ABCC12: variants seen among roughly 807,000 people sequenced by gnomAD.
ABCC12 encodes the protein ATP-binding cassette sub-family C member 12.
A neutral mutation model predicts 151.1 loss-of-function variants in ABCC12; 142 were observed. The ratio of observed to expected loss-of-function variants is 0.94; its 90% confidence interval spans 0.82 to 1.08. The LOEUF is 1.08. Among genes scored for constraint, ABCC12 ranks in the 50% least tolerant of loss-of-function variants. ABCC12 has a pLI of 0.00. For synonymous variants in ABCC12, 645 were observed against 646.4 expected (o/e 1.00, Z 0.03); for missense variants, 1,638 against 1,691.1 (o/e 0.97, Z 0.55).
intron 27 of ABCC12, chr16:48,087,037 C>T: frequency 2.0e-6 from 1 of 490,680 alleles, no homozygotes; most frequent in East Asian, 3.3e-5. Flanking sequence ...GCAGAGACCA[C>T]TGAGGCAGGC....
chr16:48,128,012 G>A (rs990089107), intron 11 of ABCC12, among the ~76,000 whole-genome samples: 2 of 152,110 alleles, frequency 1.3e-5, no homozygotes, highest in African/African-American at 4.8e-5. Flanking sequence ...CCAGCTACTT[G>A]GGAGGCTGAG....
intron 18 of ABCC12, among the ~76,000 whole-genome samples, chr16:48,109,719 G>A (rs1481159422): frequency 6.6e-6 from 1 of 152,246 alleles, no homozygotes; most frequent in Non-Finnish European, 1.5e-5. Flanking sequence ...TGAGGGAGAC[G>A]CCTCAGCGTG....
chr16:48,120,531 G>C (rs971527884), intron 13 of ABCC12, among the ~76,000 whole-genome samples: 1 of 151,750 alleles, frequency 6.6e-6, no homozygotes, highest in African/African-American at 2.4e-5. Flanking sequence ...AAATGTCCAC[G>C]GTGATCACGG....
chr16:48,105,404 G>A (rs1963459031), intron 20 of ABCC12, 68 bp from the exon 21 acceptor site: 1 of 1,466,202 alleles, frequency 6.8e-7, no homozygotes, highest in South Asian at 1.2e-5. Context: ...GAATTTTCCG[G>A]AGAATCTTTC....
chr16:48,092,841 G>A (rs1440507994), intron 24 of ABCC12, among the ~76,000 whole-genome samples: 1 of 152,144 alleles, frequency 6.6e-6, no homozygotes, highest in African/African-American at 2.4e-5. Context: ...ATGATAAGAA[G>A]TCCACCAGTC....
rs558140089 is a variant in ABCC12, at chr16:48,112,745, C to A, written c.1990-835G>T. Among the ~76,000 whole-genome samples, 13 of 152,196 alleles carry A rather than the reference C, an allele frequency of 8.5e-5. No homozygotes were observed. The East Asian group carries it at 2.5e-3, about 29-fold the overall frequency. The stretch of plus-strand genomic sequence containing the variant: ...AAAATTACAAGCCTCCCTCATCATC[C>A]CCATTTAGCCCAGGAGAAGCAGACC... On this transcript the variant is annotated intron_variant, in intron 15 of 30. Transcript: ENST00000311303.
At position 48,117,284 on chromosome 16, in the gene ABCC12, G is replaced by T. The variant is rs1963915503; in HGVS notation, c.1762C>A (p.Leu588Ile). 6.2e-7 allele frequency: 1 copy of T among 1,613,836 alleles called. No homozygotes were observed. The highest frequency in any genetic ancestry group is 1.7e-5 in the Admixed American group (1 of 60,008). ...ACCTCAGTCAGGTCTCCATAGGGGA[G>T]GTTGCTCAGGTCCTTCTGGAGGCCA... ...VCGLQKDLSN[L>I]PYGDLTEIGE... is the part of the protein sequence containing the mutation. Residue 588 changes from leucine to isoleucine, a missense_variant, in exon 14 of 31, where the codon CTC becomes ATC. By Grantham distance (5) the Leu-to-Ile change is conservative. Transcript: ENST00000311303.
At chr16:48,085,428 A>G (rs1378362701) in intron 29 of ABCC12, among the ~76,000 whole-genome samples, 165 bp downstream of exon 29, 2 of 152,090 alleles carry the variant, frequency 1.3e-5, no homozygotes, top group African/African-American at 4.8e-5. Flanking sequence ...TTACTTTTCA[A>G]TTTTTATCCC....
At chr16:48,128,855 G>A in intron 10 of ABCC12, 118 bp from the exon 11 acceptor site, 2 of 1,135,394 alleles carry the variant, frequency 1.8e-6, no homozygotes, top group South Asian at 3.0e-5. Flanking sequence ...ACCACATCCA[G>A]GAAAGAGGTT....
intron 5 of ABCC12, 37 bp from the exon 6 acceptor site, chr16:48,140,957 T>C: frequency 6.3e-7 from 1 of 1,582,540 alleles, no homozygotes; most frequent in South Asian, 1.1e-5. Context: ...AGAGGGCCAC[T>C]GAGGGCTGAG....
At chr16:48,155,332 G>A (rs1965170142) in intron 1 of ABCC12, among the ~76,000 whole-genome samples, 1 of 148,958 alleles carries the variant, frequency 6.7e-6, no homozygotes, top group Non-Finnish European at 1.5e-5. Flanking sequence ...TGGATTCAGA[G>A]CAATTCAAAT....
rs1404075403 is a variant in ABCC12 at position 48,084,021 on chromosome 16, A to G, written c.3881T>C (p.Leu1294Pro). The change falls in exon 30 of 31, where the codon CTG (leucine) becomes CCG (proline). Residue 1294 changes from leucine (L) to proline (P), a missense_variant. Physicochemically the swap from Leu to Pro is moderately conservative, Grantham distance 98. Transcript: ENST00000311303. ...GGCATCTTTGATGGTGTTCTGAACC[A>G]GGGTGTCAGTCTTGGAGTCCATAGA... ...TASMDSKTDT[L>P]VQNTIKDAFK... 6.2e-7 allele frequency: 1 copy of G among 1,612,826 alleles called. No individual in the cohort carries two copies. Among genetic ancestry groups the G allele is most frequent in the East Asian group, 2.2e-5 (1 of 44,870 alleles).
At chr16:48,084,103 G>C in intron 29 of ABCC12, 30 bp from the exon 30 acceptor site, 1 of 1,572,844 alleles carries the variant, frequency 6.4e-7, no homozygotes, top group Admixed American at 2.1e-5. Flanking sequence ...ATAAGCCAAA[G>C]GCGCACTGAG....
At chr16:48,146,777 C>G in intron 2 of ABCC12, 1 of 226,760 alleles carries the variant, frequency 4.4e-6, no homozygotes, top group East Asian at 1.1e-4. Flanking sequence ...AGGCTGAGTC[C>G]CAGCCCAGGG....
chr16:48,127,592 C>T (rs1015813999), intron 11 of ABCC12, among the ~76,000 whole-genome samples: 1 of 152,184 alleles, frequency 6.6e-6, no homozygotes, highest in African/African-American at 2.4e-5. Context: ...AGCTATGTGA[C>T]CTTGGGCAAG....
At chr16:48,144,627 A>T (rs1159895745) in intron 3 of ABCC12, among the ~76,000 whole-genome samples, 1 of 152,114 alleles carries the variant, frequency 6.6e-6, no homozygotes, top group Non-Finnish European at 1.5e-5. Flanking sequence ...TGCTCACAGC[A>T]GTGACGCTGA....
intron 25 of ABCC12, among the ~76,000 whole-genome samples, chr16:48,090,641 T>C (rs1448863328): frequency 2.0e-5 from 3 of 152,168 alleles, no homozygotes; most frequent in Admixed American, 6.5e-5. Flanking sequence ...GAACCTCACA[T>C]TCAACAACAA....
intron 24 of ABCC12, among the ~76,000 whole-genome samples, chr16:48,093,014 T>C (rs1484777206): frequency 6.6e-6 from 1 of 152,182 alleles, no homozygotes; most frequent in Non-Finnish European, 1.5e-5. Flanking sequence ...TTTCCACTTC[T>C]TTAGAGCAAT....
chr16:48,085,580 C>A lies in ABCC12; in HGVS notation c.3828+13G>T. The A allele has an allele frequency of 5.6e-6, 9 of 1,611,462 alleles. No homozygotes were observed. The highest frequency in any genetic ancestry group is 7.6e-6 in the Non-Finnish European group (9 of 1,177,646). Reference sequence around the variant, plus strand: ...TCCAAAATTTGACCAATCCATTTTCCGTGTTTTCTTACCTTTGAATTACGG... The same window carrying A: ...TCCAAAATTTGACCAATCCATTTTCAGTGTTTTCTTACCTTTGAATTACGG... On this transcript the variant is annotated intron_variant, in intron 29 of 30. Coordinates refer to ENST00000311303, the MANE Select transcript of ABCC12 (RefSeq NM_001393797.1).
Sources: allele counts gnomAD v4.1 joint callset (sites outside exome capture counted in the v4.1 genomes callset), GRCh38; gene constraint gnomAD v4.1.1; transcripts MANE v1.5; gene names NCBI Gene and HGNC (gene_info 2026-07-23, HGNC 2026-07-21).